KCNT2: variants seen among roughly 807,000 people sequenced by gnomAD.
KCNT2 encodes the protein potassium sodium-activated channel subfamily T member 2, also known as potassium channel subfamily T member 2.
KCNT2 carries 67 observed loss-of-function variants against 153.8 expected under a neutral mutation model. The observed-to-expected ratio is 0.44, with a 90% confidence interval of 0.36 to 0.53. The LOEUF is 0.53. Ranked by LOEUF, KCNT2 falls within the 20% of genes least tolerant of loss-of-function variation. The pLI is 0.00. For synonymous variants in KCNT2, 500 were observed against 458.8 expected, an observed-to-expected ratio of 1.09 and a Z score of -1.15; for missense variants, 975 against 1,354.8, an observed-to-expected ratio of 0.72 and a Z score of 4.40.
At chr1:196,356,424 T>C (rs1209723552) in intron 14 of KCNT2, among the ~76,000 whole-genome samples, 2 of 151,782 alleles carry the variant, frequency 1.3e-5, no homozygotes, top group African/African-American at 4.8e-5. Context: ...TGATTATTTA[T>C]AAAATGACTA....
At chr1:196,479,828 A>G (rs1221764165) in intron 4 of KCNT2, among the ~76,000 whole-genome samples, 1 of 152,274 alleles carries the variant, frequency 6.6e-6, no homozygotes, top group Non-Finnish European at 1.5e-5. Context: ...GAAAATACAG[A>G]AAATGAAATA....
Position 196,608,227 on chromosome 1 carries a change from TG to T in KCNT2, c.82del (p.Gln28LysfsTer12). The T allele has an allele frequency of 6.2e-7, 1 of 1,614,076 alleles. No homozygotes were observed. On this transcript the variant is annotated frameshift_variant, in exon 1 of 28. Transcript: ENST00000294725. LOFTEE classifies it high-confidence loss of function. ...CCACACCACTCACCTGTCGTCGTTT[TG>T]CCATCCTTGGTCCCCTAGCAGCAAA... The part of the protein sequence containing the change: ...RDLLLGDQGW[Q>X]NDDRVQVEFY...
intron 8 of KCNT2, among the ~76,000 whole-genome samples, chr1:196,444,253 CT>C (rs1675494753): frequency 6.6e-6 from 1 of 151,314 alleles, no homozygotes; most frequent in South Asian, 2.1e-4. Context: ...TTAGAAAGAA[CT>C]TACACTGGTT....
chr1:196,582,103 GA>G (rs1393450733), intron 1 of KCNT2, among the ~76,000 whole-genome samples: 6 of 151,898 alleles, frequency 4.0e-5, no homozygotes, highest in African/African-American at 1.5e-4. Context: ...ACTTTTTTAG[GA>G]AAATCAACAA....
intron 16 of KCNT2, among the ~76,000 whole-genome samples, chr1:196,335,779 C>T (rs1664965292): frequency 6.6e-6 from 1 of 151,912 alleles, no homozygotes; most frequent in Non-Finnish European, 1.5e-5. Context: ...ATGCATTCAC[C>T]CTTTGATCAC....
chr1:196,526,218 T>C (rs985862406), intron 1 of KCNT2, among the ~76,000 whole-genome samples: 2 of 151,856 alleles, frequency 1.3e-5, no homozygotes, highest in African/African-American at 4.8e-5. Flanking sequence ...TATAATTACA[T>C]AAAAAATGTT....
At chr1:196,327,187 G>T (rs894898566) in intron 18 of KCNT2, among the ~76,000 whole-genome samples, 14 of 151,800 alleles carry the variant, frequency 9.2e-5, no homozygotes, top group African/African-American at 3.4e-4. Flanking sequence ...AGACATCCAG[G>T]TATACACTTT....
chr1:196,510,448 C>T (rs994568206), intron 1 of KCNT2, among the ~76,000 whole-genome samples: 2 of 152,078 alleles, frequency 1.3e-5, no homozygotes, highest in Non-Finnish European at 2.9e-5. Flanking sequence ...TTATACACAT[C>T]AAATTTACTT....
At position 196,225,846 on chromosome 1, in the gene KCNT2, T is replaced by C. The variant is rs1404235377; in HGVS notation, c.*2378A>G. The stretch of plus-strand genomic sequence containing the variant: ...TTCAATGTAACTGGTAGCAAAATGG[T>C]ACAGACAATAAACAGAATCAATTCC... On this transcript the variant is annotated 3_prime_UTR_variant, in exon 28 of 28. Coordinates refer to ENST00000294725, the MANE Select transcript of KCNT2 (RefSeq NM_198503.5). 1 of 152,140 alleles carries C rather than the reference T, an allele frequency of 6.6e-6. No homozygotes were observed. The highest frequency in any genetic ancestry group is 2.4e-5 in the African/African-American group (1 of 41,452). The allele number at this position is 152,140 out of a possible 1,614,324, so 9.4% of individuals were successfully genotyped here.
intron 14 of KCNT2, among the ~76,000 whole-genome samples, chr1:196,349,942 G>T (rs1456047387): frequency 6.6e-6 from 1 of 151,824 alleles, no homozygotes; most frequent in Non-Finnish European, 1.5e-5. Context: ...CTATCTATGA[G>T]TGAGAACGTG....
At chr1:196,333,799 A>G (rs1431017212) in intron 17 of KCNT2, 48 bp downstream of exon 17, 1 of 1,140,058 alleles carries the variant, frequency 8.8e-7, no homozygotes, top group South Asian at 1.3e-5. Context: ...ACTTAAGGAC[A>G]TTAGCACAAA....
intron 1 of KCNT2, among the ~76,000 whole-genome samples, chr1:196,601,998 G>C (rs1229958003): frequency 6.6e-6 from 1 of 151,854 alleles, no homozygotes; most frequent in African/African-American, 2.4e-5. Context: ...TAATGATTAA[G>C]ATTCTGTGAA....
At chr1:196,240,674 A>T (rs1654870964) in intron 26 of KCNT2, among the ~76,000 whole-genome samples, 1 of 152,006 alleles carries the variant, frequency 6.6e-6, no homozygotes, top group African/African-American at 2.4e-5. Context: ...GGACTAAACT[A>T]AAGTGAGAGA....
chr1:196,287,091 G>A (rs1659738220), intron 22 of KCNT2, among the ~76,000 whole-genome samples: 1 of 152,066 alleles, frequency 6.6e-6, no homozygotes, highest in African/African-American at 2.4e-5. Context: ...ATCACTATAA[G>A]AGCGTCTTCA....
At chr1:196,560,727 G>A (rs1659270401) in intron 1 of KCNT2, among the ~76,000 whole-genome samples, 1 of 151,748 alleles carries the variant, frequency 6.6e-6, no homozygotes, top group Admixed American at 6.6e-5. Flanking sequence ...AAAACAATTA[G>A]TCATCACACA....
At chr1:196,238,563 G>T (rs1422427448) in intron 26 of KCNT2, among the ~76,000 whole-genome samples, 1 of 151,874 alleles carries the variant, frequency 6.6e-6, no homozygotes, top group Non-Finnish European at 1.5e-5. Context: ...TAGGTTAAAA[G>T]AATTTGCTGA....
rs1400703505 is a variant in KCNT2 at position 196,352,326 on chromosome 1, A to G, written c.1404-10098T>C. Among the ~76,000 whole-genome samples the G allele has an allele frequency of 2.0e-5, 3 of 152,058 alleles. No individual in the cohort carries two copies. In the East Asian group the frequency reaches 5.8e-4, roughly 29 times the overall value. On this transcript the variant is annotated intron_variant, in intron 14 of 27. Coordinates refer to ENST00000294725, the MANE Select transcript of KCNT2 (RefSeq NM_198503.5). ...TCTGGTAGAATTCAGCTGTGAATCCATCTGGTCCTGGACTCTTTTTGGTTG... is the reference window on the plus strand; with the variant it reads ...TCTGGTAGAATTCAGCTGTGAATCCGTCTGGTCCTGGACTCTTTTTGGTTG...
At chr1:196,493,106 A>T (rs1679978887) in intron 1 of KCNT2, among the ~76,000 whole-genome samples, 1 of 152,178 alleles carries the variant, frequency 6.6e-6, no homozygotes, top group African/African-American at 2.4e-5. Flanking sequence ...TATTTTCAAA[A>T]TACTAAGTGA....
At chr1:196,493,043 A>C (rs1679974698) in intron 1 of KCNT2, among the ~76,000 whole-genome samples, 1 of 152,170 alleles carries the variant, frequency 6.6e-6, no homozygotes, top group Non-Finnish European at 1.5e-5. Context: ...GCAGTACTTT[A>C]ATAAATACTC....
Sources: allele counts gnomAD v4.1 joint callset (sites outside exome capture counted in the v4.1 genomes callset), GRCh38; gene constraint gnomAD v4.1.1; transcripts MANE v1.5; gene names NCBI Gene and HGNC (gene_info 2026-07-23, HGNC 2026-07-21).